FUS: variants seen among roughly 807,000 people sequenced by gnomAD.
FUS encodes RNA-binding protein FUS.
FUS carries 5 observed loss-of-function variants against 82.7 expected under a neutral mutation model. That is an observed-to-expected ratio of 0.06 (90% CI 0.03 to 0.13). FUS has a LOEUF of 0.13. Among genes scored for constraint, FUS ranks in the 10% least tolerant of loss-of-function variants. The pLI, the probability that FUS is intolerant of heterozygous loss-of-function variation, is 1.00. For synonymous variants in FUS, 281 were observed against 247.4 expected, an observed-to-expected ratio of 1.14 and a Z score of -1.27; for missense variants, 512 against 707.8, an observed-to-expected ratio of 0.72 and a Z score of 3.14.
chr16:31,190,600 C>G (rs1001944936), intron 12 of FUS, 142 bp from the exon 13 acceptor site: 1 of 1,167,422 alleles, frequency 8.6e-7, no homozygotes, highest in Non-Finnish European at 1.3e-6. Context: ...ATTTTTGTTC[C>G]TGACTCTGAG....
intron 8 of FUS, chr16:31,188,865 G>T: frequency 1.9e-6 from 1 of 534,440 alleles, no homozygotes. Flanking sequence ...GGTCTTGTTG[G>T]GCATTTCACT....
chr16:31,189,830 GA>G (rs1341434542), intron 10 of FUS, 36 bp downstream of exon 10: 47 of 1,613,286 alleles, frequency 2.9e-5, no homozygotes, highest in Non-Finnish European at 3.7e-5. Context: ...TGGGGCTGGG[GA>G]TATAGGGCAG....
chr16:31,185,303 T>C (rs925934711), intron 6 of FUS, 124 bp downstream of exon 6: 139 of 1,223,942 alleles, frequency 1.1e-4, no homozygotes, highest in Non-Finnish European at 1.5e-4. Context: ...TGTGAGGGCT[T>C]TGATTTGGGG....
At chr16:31,193,285 A>G (rs2079384749), downstream of FUS, 2 of 514,016 alleles carry the variant, frequency 3.9e-6, no homozygotes, top group African/African-American at 3.8e-5. Context: ...GTAGGCGGAG[A>G]GTGGTCTGGC....
chr16:31,189,989 G>T, intron 10 of FUS, 51 bp from the exon 11 acceptor site: 11 of 1,572,322 alleles, frequency 7.0e-6, no homozygotes, highest in Non-Finnish European at 9.5e-6. Context: ...TGTATTTTCG[G>T]ATTAATGTGT....
chr16:31,183,960 C>T lies in FUS; in HGVS notation c.293C>T (p.Pro98Leu), dbSNP rs758662911. The change falls in exon 4 of 15, where the codon CCT becomes CTT. Residue 98 changes from proline to leucine, a missense_variant. Physicochemically the swap from Pro to Leu is moderately conservative, Grantham distance 98 (BLOSUM62 -3). This residue lies in a region of FUS where 276 missense variants were observed against 303.3 expected (regional missense o/e 0.91). Coordinates refer to ENST00000254108, the MANE Select transcript of FUS (RefSeq NM_004960.4). ...TCTTACGGGCAGCAGTCCTCCTACC[C>T]TGGCTATGGCCAGCAGCCAGCTCCC... ...QSSYGQQSSY[P>L]GYGQQPAPSS... 1.9e-6 allele frequency: 3 copies of T among 1,613,972 alleles called. No individual in the cohort carries two copies. Among genetic ancestry groups the T allele is most frequent in the South Asian group, 2.2e-5 (2 of 91,060 alleles).
chr16:31,181,474 C>G (rs2079176825), intron 1 of FUS, among the ~76,000 whole-genome samples: 1 of 152,176 alleles, frequency 6.6e-6, no homozygotes, highest in African/African-American at 2.4e-5. Context: ...TACCTGTTGA[C>G]TTTCGCCTCC....
chr16:31,188,163 C>T (rs1232915869), intron 7 of FUS, 162 bp from the exon 8 acceptor site: 1 of 730,390 alleles, frequency 1.4e-6, no homozygotes. Context: ...GGCAGGCGAC[C>T]CAGGAAAGGG....
chr16:31,180,560 C>T (rs1239251448), intron 1 of FUS, among the ~76,000 whole-genome samples: 1 of 152,238 alleles, frequency 6.6e-6, no homozygotes, highest in Non-Finnish European at 1.5e-5. Flanking sequence ...CTCCCGGCCC[C>T]GCGCTCGAGC....
rs1226225502 is a variant in FUS, at chr16:31,188,196, T to G, written c.800-129T>G. The stretch of plus-strand genomic sequence containing the variant: ...GGGTTTGGAGTGAGGCTGTGAGCAC[T>G]TACTTGATATTTTACAAGTTTGGAT... On this transcript the variant is annotated intron_variant, in intron 7 of 14. Transcript: ENST00000254108. The G allele has an allele frequency of 4.1e-6, 4 of 984,590 alleles. No homozygotes were observed. In the East Asian group the frequency reaches 7.5e-5, roughly 19 times the overall value. The allele number at this position is 984,590 out of a possible 1,614,324, so 61.0% of individuals were successfully genotyped here. A position where few individuals can be genotyped will look rare whatever the true frequency, so the allele number is the denominator to read the frequency against.
intron 3 of FUS, 86 bp downstream of exon 3, chr16:31,182,750 C>A (rs769097294): frequency 6.4e-7 from 1 of 1,556,702 alleles, no homozygotes; most frequent in African/African-American, 1.4e-5. Context: ...GGAGTCTGGT[C>A]CTGTTGCCCA....
At chr16:31,182,319 T>C in intron 1 of FUS, 79 bp from the exon 2 acceptor site, 1 of 1,538,056 alleles carries the variant, frequency 6.5e-7, no homozygotes, top group Non-Finnish European at 9.0e-7. Flanking sequence ...CATCAGTGCT[T>C]GAGTTAAGGA....
At position 31,189,128 on chromosome 16, in the gene FUS, G is replaced by A. The variant is rs1222103498; in HGVS notation, c.838G>A (p.Asp280Asn). 6.2e-7 allele frequency: 1 copy of A among 1,612,246 alleles called. No individual in the cohort carries two copies. The change falls in exon 9 of 15, where the codon GAT (aspartate) becomes AAT (asparagine). Residue 280 changes from aspartate (D) to asparagine (N), a missense_variant. By Grantham distance (23) the Asp-to-Asn change is conservative (BLOSUM62 1). Around this residue, in one of 6 missense-constraint regions of FUS, gnomAD observed 51 missense variants for 72.2 expected, o/e 0.71. Transcript: ENST00000254108. ...DQGSRHDSEQ[D>N]NSDNNTIFVQ... The stretch of plus-strand genomic sequence containing the variant: ...TTTCTCTGTTCAACAAGCAGAACAG[G>A]ATAATTCAGACAACAACACCATCTT...
intron 9 of FUS, among the ~76,000 whole-genome samples, 185 bp from the exon 10 acceptor site, chr16:31,189,480 A>G (rs2079319999): frequency 6.6e-6 from 1 of 152,204 alleles, no homozygotes; most frequent in African/African-American, 2.4e-5. Flanking sequence ...TTTTAGTTTT[A>G]TCTTTCAATA....
downstream of FUS, chr16:31,192,213 C>A (rs1392868658): frequency 7.6e-6 from 4 of 526,126 alleles, no homozygotes; most frequent in African/African-American, 7.5e-5. Context: ...GGCTTGAGGT[C>A]ATTGACATTA....
rs1042472569 is a variant in FUS at position 31,184,798 on chromosome 16, G to T, written c.524-141G>T. ...TTCTCCTGTTTTAGCTTAAAAGAGGGTTCCTGTCTTGTTTCCTAGCTGTCT... is the reference window on the plus strand; with the variant it reads ...TTCTCCTGTTTTAGCTTAAAAGAGGTTTCCTGTCTTGTTTCCTAGCTGTCT... On this transcript the variant is annotated intron_variant, in intron 5 of 14. Transcript: ENST00000254108. 17 of 871,854 alleles carry T rather than the reference G, an allele frequency of 1.9e-5. No homozygotes were observed. The South Asian group carries it at 2.1e-4, about 11-fold the overall frequency. The allele number at this position is 871,854 out of a possible 1,614,324, so 54.0% of individuals were successfully genotyped here.
chr16:31,188,101 T>TG, intron 7 of FUS: 1 of 595,512 alleles, frequency 1.7e-6, no homozygotes, highest in East Asian at 2.8e-5. Flanking sequence ...GTTGTCTCTG[T>TG]GGAGACTCAA....
intron 6 of FUS, chr16:31,186,167 A>G (rs2079266946): frequency 4.1e-6 from 1 of 242,076 alleles, no homozygotes; most frequent in Non-Finnish European, 8.2e-6. Context: ...CTTGCTCTGC[A>G]TTTTATGTGC....
chr16:31,193,599 A>G (rs924986204), downstream of FUS: 13 of 529,602 alleles, frequency 2.5e-5, no homozygotes, highest in Non-Finnish European at 3.7e-5. Context: ...TTCAAATGGC[A>G]TATGTGATTG....
Sources: allele counts gnomAD v4.1 joint callset (sites outside exome capture counted in the v4.1 genomes callset), GRCh38; gene constraint gnomAD v4.1.1; regional missense constraint gnomAD v4.1.1; transcripts MANE v1.5; gene names NCBI Gene and HGNC (gene_info 2026-07-23, HGNC 2026-07-21).